The following CDK17 variants were observed in gnomAD, a reference collection of about 807,000 sequenced individuals.
CDK17 encodes the protein cyclin-dependent kinase 17.
A neutral mutation model predicts 77.6 loss-of-function variants in CDK17; 24 were observed. That is an observed-to-expected ratio of 0.31 (90% CI 0.22 to 0.44). The LOEUF (loss-of-function observed/expected upper bound fraction) is 0.44, where lower values mean the gene tolerates loss of function less well. CDK17 is among the 20% of genes least tolerant of loss of function. The probability of loss-of-function intolerance (pLI) is 1.00; values close to 1 mark genes in which losing one functional copy is unlikely to be tolerated. For synonymous variants in CDK17, 203 were observed against 210.4 expected, an observed-to-expected ratio of 0.96 and a Z score of 0.30; for missense variants, 429 against 622.5, an observed-to-expected ratio of 0.69 and a Z score of 3.31.
At chr12:96,386,398 C>T (rs868134834) in intron 1 of CDK17, among the ~76,000 whole-genome samples, 6 of 152,274 alleles carry the variant, frequency 3.9e-5, no homozygotes, top group East Asian at 3.9e-4. Flanking sequence ...CCTGCAATCT[C>T]GGCACTTTGG....
At chr12:96,294,611 A>AAAAAAAAAAAAAAAAAAAT (rs71097274) in intron 10 of CDK17, among the ~76,000 whole-genome samples, 43 of 121,310 alleles carry the variant, frequency 3.5e-4, no homozygotes, top group Non-Finnish European at 4.8e-4. Context: ...AAAAAAAAAA[A>AAAAAAAAAAAAAAAAAAAT]GATATATTTT....
At chr12:96,291,287 G>C (rs1057343611) in intron 10 of CDK17, among the ~76,000 whole-genome samples, 2 of 152,092 alleles carry the variant, frequency 1.3e-5, no homozygotes, top group African/African-American at 4.8e-5. Context: ...AAAAGTAGTT[G>C]TTGTTTTTTT....
At chr12:96,308,851 A>G (rs942423939) in intron 5 of CDK17, among the ~76,000 whole-genome samples, 1 of 151,860 alleles carries the variant, frequency 6.6e-6, no homozygotes, top group African/African-American at 2.4e-5. Flanking sequence ...CCAAGTGGGT[A>G]TTAGGTGGTA....
chr12:96,307,601 TGGCTTA>T (rs1002051128), intron 5 of CDK17, among the ~76,000 whole-genome samples: 3 of 152,088 alleles, frequency 2.0e-5, no homozygotes, highest in African/African-American at 7.2e-5. Flanking sequence ...CCAGGCACAG[TGGCTTA>T]TGCCTGTAAT....
intron 1 of CDK17, among the ~76,000 whole-genome samples, chr12:96,337,339 A>G (rs1425126807): frequency 6.6e-6 from 1 of 152,124 alleles, no homozygotes; most frequent in African/African-American, 2.4e-5. Context: ...GAGCTGGAAA[A>G]TGGATCAAGA....
At chr12:96,342,491 G>A (rs375484329) in intron 1 of CDK17, among the ~76,000 whole-genome samples, 4 of 152,144 alleles carry the variant, frequency 2.6e-5, no homozygotes, top group East Asian at 1.9e-4. Context: ...GAACCTGGGA[G>A]GTGGAGGTTG....
intron 1 of CDK17, among the ~76,000 whole-genome samples, chr12:96,339,820 C>T (rs1953097954): frequency 6.6e-6 from 1 of 151,868 alleles, no homozygotes. Flanking sequence ...ATCCTAGCTA[C>T]TTGGGCTGAG....
chr12:96,298,790 T>C (rs902078266), intron 7 of CDK17, 79 bp downstream of exon 7: 7 of 740,936 alleles, frequency 9.4e-6, no homozygotes, highest in African/African-American at 3.6e-5. Context: ...TACTTGTATA[T>C]CTGAGCTCTT....
chr12:96,333,621 C>T (rs1953001262), intron 2 of CDK17, among the ~76,000 whole-genome samples: 1 of 150,502 alleles, frequency 6.6e-6, no homozygotes, highest in Admixed American at 6.6e-5. Flanking sequence ...TTGCAGTGAG[C>T]CAACATTGTG....
intron 5 of CDK17, among the ~76,000 whole-genome samples, chr12:96,302,510 TG>T (rs1308951308): frequency 1.3e-5 from 2 of 151,992 alleles, no homozygotes; most frequent in Non-Finnish European, 2.9e-5. Context: ...TCATCTTTTA[TG>T]GGGGAAAAAA....
intron 1 of CDK17, among the ~76,000 whole-genome samples, chr12:96,376,691 T>C (rs898973199): frequency 6.6e-6 from 1 of 152,222 alleles, no homozygotes; most frequent in Non-Finnish European, 1.5e-5. Flanking sequence ...GCCAGTTTCT[T>C]AATGAGTTAA....
Position 96,334,844 on chromosome 12 carries a change from A to G in CDK17, c.-8T>C, listed in dbSNP as rs1484271444. On this transcript the variant is annotated 5_prime_UTR_variant, in exon 2 of 17. Transcript: ENST00000261211. ...TCTCTTAAATTTTTTCATCCTATCA[A>G]TTGAATGTGGCTTGAAAAATCCTGA... 7.2e-7 allele frequency: 1 copy of G among 1,392,598 alleles called. No individual in the cohort carries two copies. Among genetic ancestry groups the G allele is most frequent in the African/African-American group, 1.4e-5 (1 of 70,828 alleles). The allele number at this position is 1,392,598 out of a possible 1,614,324, so 86.3% of individuals were successfully genotyped here. A position where few individuals can be genotyped will look rare whatever the true frequency, so the allele number is the denominator to read the frequency against.
At chr12:96,361,393 C>A (rs1312286329) in intron 1 of CDK17, among the ~76,000 whole-genome samples, 1 of 152,188 alleles carries the variant, frequency 6.6e-6, no homozygotes, top group Non-Finnish European at 1.5e-5. Context: ...CATCTATTGG[C>A]AAAATCTAAC....
intron 2 of CDK17, among the ~76,000 whole-genome samples, chr12:96,324,494 G>A (rs1030659351): frequency 1.1e-4 from 17 of 152,038 alleles, no homozygotes; most frequent in Non-Finnish European, 2.1e-4. Flanking sequence ...TTGGCTGGGT[G>A]CATGGCTCAC....
chr12:96,352,174 G>T (rs1265153377), intron 1 of CDK17, among the ~76,000 whole-genome samples: 1 of 152,098 alleles, frequency 6.6e-6, no homozygotes, highest in East Asian at 1.9e-4. Context: ...AAGCAAATCT[G>T]CACTTTCCCA....
intron 3 of CDK17, among the ~76,000 whole-genome samples, chr12:96,322,995 T>C (rs1019197358): frequency 5.3e-5 from 8 of 151,844 alleles, no homozygotes; most frequent in African/African-American, 1.9e-4. Flanking sequence ...ACTCCCAAAA[T>C]TAAAGAAACA....
chr12:96,286,855 T>A (rs1206497168), intron 11 of CDK17, 94 bp from the exon 12 acceptor site: 1 of 935,844 alleles, frequency 1.1e-6, no homozygotes, highest in East Asian at 2.5e-5. Flanking sequence ...TGCAGAATTT[T>A]GCACTAGCCT....
chr12:96,335,259 T>C (rs1953026227), intron 1 of CDK17: 2 of 304,806 alleles, frequency 6.6e-6, no homozygotes, highest in Non-Finnish European at 1.3e-5. Flanking sequence ...TCTTCAGATA[T>C]AACAGGGAGG....
chr12:96,375,134 T>C (rs773305779), intron 1 of CDK17, among the ~76,000 whole-genome samples: 1 of 152,202 alleles, frequency 6.6e-6, no homozygotes, highest in Non-Finnish European at 1.5e-5. Flanking sequence ...AGTGTGCCTG[T>C]GTGTATACAT....
Sources: allele counts gnomAD v4.1 joint callset (sites outside exome capture counted in the v4.1 genomes callset), GRCh38; gene constraint gnomAD v4.1.1; transcripts MANE v1.5; gene names NCBI Gene and HGNC (gene_info 2026-07-23, HGNC 2026-07-21).